The following FAM184A variants were observed in gnomAD, a reference collection of about 807,000 sequenced individuals.
FAM184A encodes the protein protein FAM184A.
Under a neutral mutation model 143.8 loss-of-function variants are expected in FAM184A, and 99 were observed. The observed-to-expected ratio is 0.69, with a 90% CI of 0.58 to 0.81. FAM184A has a LOEUF of 0.81. Among genes scored for constraint, FAM184A ranks in the 40% least tolerant of loss-of-function variants. The probability of loss-of-function intolerance (pLI) is 0.00; values close to 1 mark genes in which losing one functional copy is unlikely to be tolerated. For missense variants in FAM184A, 1,217 were observed against 1,310.5 expected, an observed-to-expected ratio of 0.93 and a Z score of 1.10; for synonymous variants, 427 against 446.4, an observed-to-expected ratio of 0.96 and a Z score of 0.55.
intron 1 of FAM184A, among the ~76,000 whole-genome samples, chr6:119,042,172 C>T (rs1786361464): frequency 6.6e-6 from 1 of 152,136 alleles, no homozygotes; most frequent in Admixed American, 6.5e-5. Flanking sequence ...GAACCCAGAA[C>T]CGGGGGTACA....
At chr6:118,966,455 A>G (rs1173405174) in intron 15 of FAM184A, among the ~76,000 whole-genome samples, 3 of 152,192 alleles carry the variant, frequency 2.0e-5, no homozygotes, top group Non-Finnish European at 4.4e-5. Flanking sequence ...CTGTTAGTGT[A>G]CAATACAGGC....
At chr6:118,969,498 C>A (rs1214584596) in intron 14 of FAM184A, among the ~76,000 whole-genome samples, 1 of 152,108 alleles carries the variant, frequency 6.6e-6, no homozygotes, top group African/African-American at 2.4e-5. Flanking sequence ...ACTAGTCTTT[C>A]AAAATTTTTA....
At chr6:119,069,894 A>G (rs1787618399) in intron 1 of FAM184A, among the ~76,000 whole-genome samples, 1 of 152,162 alleles carries the variant, frequency 6.6e-6, no homozygotes, top group African/African-American at 2.4e-5. Flanking sequence ...AATTTTATTG[A>G]TAATTTAAAT....
rs1313630106 is a variant in FAM184A, at chr6:118,998,012, C to CTGA, written c.2088+4886_2088+4887insTCA. Among the ~76,000 whole-genome samples the CTGA allele has an allele frequency of 2.6e-5, 4 of 152,060 alleles. No homozygotes were observed. The East Asian group carries it at 7.7e-4, about 29-fold the overall frequency. ...TGCTGTTTCTTAGTCTAGTCATTGC[C>CTGA]CTTTCCTACTGAGTATGAAAAATTC... On this transcript the variant is annotated intron_variant, in intron 9 of 17. Coordinates refer to ENST00000338891, the MANE Select transcript of FAM184A (RefSeq NM_024581.6).
intron 9 of FAM184A, among the ~76,000 whole-genome samples, chr6:118,986,586 T>C (rs1029499261): frequency 6.6e-6 from 1 of 152,202 alleles, no homozygotes; most frequent in Non-Finnish European, 1.5e-5. Flanking sequence ...AGAGATTTCA[T>C]TGTGTTACCA....
intron 14 of FAM184A, among the ~76,000 whole-genome samples, chr6:118,973,412 C>T (rs9387621): frequency 0.35 from 52,447 of 151,956 alleles, 10,010 homozygotes; most frequent in East Asian, 0.68. Context: ...GAGGACAACA[C>T]AGGAAACCAA....
In FAM184A at chr6:119,101,925, G is replaced by A. The variant is rs371293940; in HGVS notation, c.-202+47153C>T. Among the ~76,000 whole-genome samples, 9 of 152,146 alleles carry A rather than the reference G, an allele frequency of 5.9e-5. No individual in the cohort carries two copies. The South Asian group carries it at 6.2e-4, about 11-fold the overall frequency. On this transcript the variant is annotated intron_variant, in intron 1 of 16. Coordinates refer to the FAM184A transcript ENST00000352896. Reference sequence around the variant, plus strand: ...ACAAAAATTAGCTGGGCTTGGTGGCGTGTGCCTGTAATCCCAGCTACTCAG... The same window carrying A: ...ACAAAAATTAGCTGGGCTTGGTGGCATGTGCCTGTAATCCCAGCTACTCAG...
intron 1 of FAM184A, among the ~76,000 whole-genome samples, chr6:119,033,907 G>A (rs1472278959): frequency 7.3e-6 from 1 of 137,684 alleles, no homozygotes; most frequent in Admixed American, 7.8e-5. Flanking sequence ...CAGGAGAATT[G>A]CTTGTCCTGG....
chr6:119,083,486 A>G (rs551036713), upstream of FAM184A, among the ~76,000 whole-genome samples: 1 of 152,332 alleles, frequency 6.6e-6, no homozygotes, highest in South Asian at 2.1e-4. Flanking sequence ...TTGTGAATGC[A>G]TATGACTGTA....
At chr6:119,087,146 G>A (rs2114814996) in intron 1 of FAM184A, among the ~76,000 whole-genome samples, 1 of 152,296 alleles carries the variant, frequency 6.6e-6, no homozygotes, top group South Asian at 2.1e-4. Context: ...CCAGGCAGTA[G>A]CAGTTAAGGT....
At chr6:119,116,971 T>C (rs1171332012) in intron 1 of FAM184A, among the ~76,000 whole-genome samples, 2 of 152,234 alleles carry the variant, frequency 1.3e-5, no homozygotes, top group Non-Finnish European at 2.9e-5. Context: ...GTTTTGACTT[T>C]ATCCTTTGGA....
intron 9 of FAM184A, among the ~76,000 whole-genome samples, chr6:118,996,305 A>T (rs558491945): frequency 2.0e-5 from 3 of 152,340 alleles, no homozygotes; most frequent in Admixed American, 6.5e-5. Context: ...AAGAGAAATT[A>T]AAAACTTTCA....
At chr6:119,016,613 G>C (rs965166451) in intron 5 of FAM184A, 134 bp downstream of exon 5, 6 of 701,040 alleles carry the variant, frequency 8.6e-6, no homozygotes, top group Non-Finnish European at 1.5e-5. Flanking sequence ...CACCTTAAGA[G>C]CTGTAACACT....
chr6:119,084,074 C>G lies in FAM184A; in HGVS notation c.-201-59261G>C, dbSNP rs370632995. 7.4e-5 allele frequency among the ~76,000 whole-genome samples: 11 copies of G among 148,112 alleles called. No individual in the cohort carries two copies. In the East Asian group the frequency reaches 2.0e-3, roughly 28 times the overall value. ...AAGCAAGGCACATCTTACATTGTGG[C>G]AGGAGAGAGAGAGAGAGAAAGAGAG... On this transcript the variant is annotated intron_variant, in intron 1 of 16. Transcript: ENST00000352896.
At chr6:119,140,618 C>T (rs578006150) in intron 1 of FAM184A, among the ~76,000 whole-genome samples, 102 of 152,336 alleles carry the variant, frequency 6.7e-4, no homozygotes, top group South Asian at 1.9e-3. Context: ...CAACACAATG[C>T]CTGCAATCTG....
chr6:119,004,000 T>C (rs1410257214), intron 7 of FAM184A, among the ~76,000 whole-genome samples: 2 of 152,240 alleles, frequency 1.3e-5, no homozygotes, highest in African/African-American at 4.8e-5. Context: ...AATTCACTTA[T>C]ATTCAAAAGT....
At chr6:119,102,045 G>A (rs1436897267) in intron 1 of FAM184A, among the ~76,000 whole-genome samples, 1 of 152,006 alleles carries the variant, frequency 6.6e-6, no homozygotes, top group Non-Finnish European at 1.5e-5. Flanking sequence ...AACACAGTGA[G>A]ACTTCATCTC....
rs143159914 is a variant in FAM184A, at chr6:119,036,190, G to A, written c.160-11377C>T. Among the ~76,000 whole-genome samples the A allele has an allele frequency of 8.6e-4, 124 of 144,612 alleles. 1 individual carries two copies. Among genetic ancestry groups the A allele is most frequent in the Admixed American group, 1.3e-3 (18 of 14,006 alleles). 94.9% of individuals were successfully genotyped at this position (144,612 alleles called of 152,430 possible). On this transcript the variant is annotated intron_variant, in intron 1 of 17. Coordinates refer to ENST00000338891, the MANE Select transcript of FAM184A (RefSeq NM_024581.6). ...TAGTTCAGCCCCATAAATGATTCAC[G>A]TCTTTTTTTCCCCTCGGTCCAGTGT...
chr6:118,969,970 ATTGT>A (rs1342184156), intron 14 of FAM184A, among the ~76,000 whole-genome samples: 61 of 90,320 alleles, frequency 6.8e-4, no homozygotes, highest in Non-Finnish European at 1.2e-3. Context: ...AGAAAAAAAA[ATTGT>A]TTGGGTGTAT....
Sources: allele counts gnomAD v4.1 joint callset (sites outside exome capture counted in the v4.1 genomes callset), GRCh38; gene constraint gnomAD v4.1.1; transcripts MANE v1.5; gene names NCBI Gene and HGNC (gene_info 2026-07-23, HGNC 2026-07-21).